CEBPZOS: variants seen among roughly 807,000 people sequenced by gnomAD.
CEBPZOS encodes the protein CEBPZ opposite strand.
Under a neutral mutation model 4.8 loss-of-function variants are expected in CEBPZOS, and 10 were observed. The observed-to-expected ratio is 2.07, with a 90% CI of 1.28 to 3.52. The LOEUF is 3.52. Among genes scored for constraint, CEBPZOS ranks in the 30% most tolerant of loss-of-function variants. The pLI is 0.00. For missense variants in CEBPZOS, 98 were observed against 43.6 expected (o/e 2.25, Z -3.51); for synonymous variants, 25 against 14.2 (o/e 1.77, Z -1.72).
At chr2:37,212,835 TA>T (rs761764387) in intron 4 of CEBPZOS, among the ~76,000 whole-genome samples, 6,276 of 61,910 alleles carry the variant, frequency 0.1, 464 homozygotes, top group East Asian at 0.45. Flanking sequence ...CTATCTCTAT[TA>T]AAAAAAAAAA....
rs760807148 is a variant in CEBPZOS at position 37,201,682 on chromosome 2, C to CA, written c.202dup (p.Arg68LysfsTer43). ...CTGAGAAGTCTGGAATGTATGGAATCAGAGAGCTAGATCAAAAAACATGGT... is the reference window on the plus strand; with the variant it reads ...CTGAGAAGTCTGGAATGTATGGAATCAAGAGAGCTAGATCAAAAAACATGGT... On this transcript the variant is annotated frameshift_variant, in exon 4 of 5. Transcript: ENST00000402297. LOFTEE classifies it high-confidence loss of function. 7 of 851,026 alleles carry CA rather than the reference C, an allele frequency of 8.2e-6. No individual in the cohort carries two copies. In the African/African-American group the frequency reaches 1.2e-4, roughly 14 times the overall value. The allele number at this position is 851,026 out of a possible 1,614,324, so 52.7% of individuals were successfully genotyped here.
downstream of CEBPZOS, chr2:37,214,034 A>T (rs1677806321): frequency 4.0e-6 from 3 of 748,184 alleles, no homozygotes; most frequent in Non-Finnish European, 6.0e-6. Context: ...CAAAGCACCT[A>T]TGACCAGTGG....
downstream of CEBPZOS, chr2:37,209,193 C>G (rs755367182): frequency 1.3e-5 from 2 of 152,154 alleles, no homozygotes; most frequent in Non-Finnish European, 2.9e-5. Context: ...TGGGTAGAAT[C>G]GATATTGTGA....
downstream of CEBPZOS, among the ~76,000 whole-genome samples, chr2:37,205,022 C>G (rs557433701): frequency 7.9e-5 from 12 of 152,282 alleles, no homozygotes; most frequent in Admixed American, 2.6e-4. Context: ...TATATCTCAT[C>G]TTATGCTAAT....
chr2:37,211,153 T>C lies in CEBPZOS; in HGVS notation c.*3-2284T>C, dbSNP rs1168273123. 3 of 1,015,664 alleles carry C rather than the reference T, an allele frequency of 3.0e-6. No individual in the cohort carries two copies. In the Admixed American group the frequency reaches 6.4e-5, roughly 22 times the overall value. 62.9% of individuals were successfully genotyped at this position (1,015,664 alleles called of 1,614,324 possible). ...GACTGGAAAATATTACTCCAAGATA[T>C]GCTAAAATCTTTATTCTGATGGTAA... is the stretch of plus-strand genomic sequence containing the variant. On this transcript the variant is annotated intron_variant, in intron 4 of 4. Coordinates refer to the CEBPZOS transcript ENST00000397064.
intron 4 of CEBPZOS, chr2:37,211,956 AG>A: frequency 6.2e-7 from 1 of 1,613,714 alleles, no homozygotes; most frequent in Non-Finnish European, 8.5e-7. Flanking sequence ...ATCGTCATCC[AG>A]GTTACCAAGT....
chr2:37,199,843 G>A, intron 2 of CEBPZOS, 24 bp downstream of exon 2: 1 of 715,814 alleles, frequency 1.4e-6, no homozygotes, highest in Non-Finnish European at 2.6e-6. Flanking sequence ...AGAAGTTAAT[G>A]CTTTCTAAAG....
chr2:37,211,640 G>A (rs1677723406), intron 4 of CEBPZOS: 14 of 485,114 alleles, frequency 2.9e-5, no homozygotes, highest in Non-Finnish European at 5.0e-5. Context: ...AGCTCAAAAA[G>A]CTGCTTAAAA....
At chr2:37,212,835 TAA>T (rs761764387) in intron 4 of CEBPZOS, among the ~76,000 whole-genome samples, 4 of 62,010 alleles carry the variant, frequency 6.5e-5, no homozygotes, top group Admixed American at 1.5e-4. Flanking sequence ...CTATCTCTAT[TAA>T]AAAAAAAAAA....
chr2:37,214,966 T>C (rs780691030), downstream of CEBPZOS: 1 of 1,546,468 alleles, frequency 6.5e-7, no homozygotes, highest in Non-Finnish European at 8.9e-7. Context: ...CAAAAATAAA[T>C]TTAAACATTT....
intron 4 of CEBPZOS, chr2:37,212,643 A>T: frequency 5.9e-6 from 3 of 504,948 alleles, no homozygotes; most frequent in Non-Finnish European, 7.0e-6. Flanking sequence ...TCTTTTATGG[A>T]AAGAGGATAA....
rs961788802 is a variant in CEBPZOS, at chr2:37,202,358, C to T, written c.*498C>T. On this transcript the variant is annotated 3_prime_UTR_variant, in exon 5 of 5. Transcript: ENST00000402297. The stretch of plus-strand genomic sequence containing the variant: ...ATGAAAAGGTCTTTCAAAAATATTC[C>T]TATCAGCCAGGCATGGTGGCTCACA... 1 of 160,128 alleles carries T rather than the reference C, an allele frequency of 6.2e-6. No individual in the cohort carries two copies. Among genetic ancestry groups the T allele is most frequent in the African/African-American group, 2.4e-5 (1 of 41,440 alleles). 9.9% of individuals were successfully genotyped at this position (160,128 alleles called of 1,614,324 possible). A position where few individuals can be genotyped will look rare whatever the true frequency, so the allele number is the denominator to read the frequency against.
At position 37,203,023 on chromosome 2, in the gene CEBPZOS, A is replaced by C. The variant is rs755598678; in HGVS notation, c.*1163A>C. ...TTTTCTTGGCCCTAAAAAAAATTGT[A>C]AGTCTACATTATTCAATTATAAATC... On this transcript the variant is annotated 3_prime_UTR_variant, in exon 5 of 5. Coordinates refer to ENST00000402297, the MANE Select transcript of CEBPZOS (RefSeq NM_001322374.2). 1.3e-6 allele frequency: 2 copies of C among 1,490,912 alleles called. No homozygotes were observed. The highest frequency in any genetic ancestry group is 1.3e-5 in the South Asian group (1 of 76,296). The allele number at this position is 1,490,912 out of a possible 1,614,324, so 92.4% of individuals were successfully genotyped here.
intron 1 of CEBPZOS, chr2:37,196,800 G>A (rs1422402006): frequency 6.6e-6 from 1 of 152,558 alleles, no homozygotes; most frequent in African/African-American, 2.4e-5. Flanking sequence ...GGCAGCCGAG[G>A]GCACCAGGGA....
At chr2:37,197,712 A>G (rs1382106748) in intron 1 of CEBPZOS, among the ~76,000 whole-genome samples, 1 of 151,996 alleles carries the variant, frequency 6.6e-6, no homozygotes, top group Non-Finnish European at 1.5e-5. Context: ...TAAACATACA[A>G]AAAATTAGCC....
chr2:37,204,857 T>TTAC (rs1353368195), downstream of CEBPZOS: 1 of 152,204 alleles, frequency 6.6e-6, no homozygotes, highest in Non-Finnish European at 1.5e-5. Context: ...AAACAGTACT[T>TTAC]TACTATTTGA....
downstream of CEBPZOS, chr2:37,214,017 A>G: frequency 3.1e-6 from 3 of 960,620 alleles, no homozygotes; most frequent in East Asian, 6.1e-5. Context: ...ATCTTACTAT[A>G]TATCATCAAA....
chr2:37,196,844 C>T (rs527309964), intron 1 of CEBPZOS, among the ~76,000 whole-genome samples: 1 of 152,310 alleles, frequency 6.6e-6, no homozygotes, highest in Admixed American at 6.5e-5. Flanking sequence ...GGGACCGCGG[C>T]AGGAGCCGGG....
chr2:37,205,910 G>A (rs1677522549), downstream of CEBPZOS, among the ~76,000 whole-genome samples: 1 of 152,202 alleles, frequency 6.6e-6, no homozygotes, highest in South Asian at 2.1e-4. Context: ...TAATAAAGGA[G>A]CATGGATTAT....
Sources: gnomAD v4.1 joint callset for allele counts (sites outside exome capture counted in the v4.1 genomes callset) on GRCh38, gnomAD v4.1.1 for gene constraint, MANE v1.5 for transcripts, NCBI Gene and HGNC (gene_info 2026-07-23, HGNC 2026-07-21) for gene names.